The following RHOQ variants were observed in gnomAD, a reference collection of about 807,000 sequenced individuals.
RHOQ encodes the protein ras homolog family member Q.
A neutral mutation model predicts 25.8 loss-of-function variants in RHOQ; 7 were observed. The observed-to-expected ratio is 0.27, with a 90% CI of 0.15 to 0.51. The LOEUF is 0.51. RHOQ is among the 20% of genes least tolerant of loss of function. The probability of loss-of-function intolerance (pLI) is 0.97; values close to 1 mark genes in which losing one functional copy is unlikely to be tolerated. For missense variants in RHOQ, 165 were observed against 260.6 expected (o/e 0.63, Z 2.53); for synonymous variants, 97 against 98.6 (o/e 0.98, Z 0.10).
chr2:46,570,424 G>C (rs924575844), intron 2 of RHOQ, among the ~76,000 whole-genome samples: 9 of 151,188 alleles, frequency 6.0e-5, no homozygotes, highest in Admixed American at 5.3e-4. Flanking sequence ...TGGGCTATAA[G>C]AGTGAGACTT....
intron 2 of RHOQ, among the ~76,000 whole-genome samples, chr2:46,571,100 C>G (rs1045429471): frequency 6.6e-6 from 1 of 152,198 alleles, no homozygotes; most frequent in Non-Finnish European, 1.5e-5. Flanking sequence ...CAAGTTCTCT[C>G]CATTCTGTAA....
chr2:46,545,259 C>T (rs1306657749), intron 2 of RHOQ, among the ~76,000 whole-genome samples: 1 of 152,176 alleles, frequency 6.6e-6, no homozygotes, highest in African/African-American at 2.4e-5. Context: ...CTAAGACTGA[C>T]TTTTAAGTCG....
At chr2:46,554,169 C>T (rs745384630) in intron 2 of RHOQ, among the ~76,000 whole-genome samples, 12 of 151,176 alleles carry the variant, frequency 7.9e-5, no homozygotes, top group Non-Finnish European at 1.5e-4. Flanking sequence ...CCCCACAAAA[C>T]ACACCCCCAT....
intron 2 of RHOQ, among the ~76,000 whole-genome samples, chr2:46,561,286 C>G (rs1668570483): frequency 6.6e-6 from 1 of 151,766 alleles, no homozygotes; most frequent in South Asian, 2.1e-4. Context: ...GACAGTTTTC[C>G]TAAGTGAGTA....
In RHOQ at chr2:46,584,159, T is replaced by C. The variant is rs115225243; in HGVS notation, c.*3076T>C. Among the ~76,000 whole-genome samples, 101 of 152,344 alleles carry C rather than the reference T, an allele frequency of 6.6e-4. No homozygotes were observed. Among genetic ancestry groups the C allele is most frequent in the African/African-American group, 2.4e-3 (99 of 41,584 alleles). On this transcript the variant is annotated 3_prime_UTR_variant, in exon 5 of 5. Coordinates refer to ENST00000238738, the MANE Select transcript of RHOQ (RefSeq NM_012249.4). ...TTTGTTGGTTGTTACTTTTAAATGA[T>C]TGTTACTTTAACAGTGTCCCTTCTT...
At chr2:46,577,561 G>T (rs903528648) in intron 4 of RHOQ, among the ~76,000 whole-genome samples, 2 of 145,266 alleles carry the variant, frequency 1.4e-5, no homozygotes, top group African/African-American at 2.6e-5. Context: ...CACCACACCC[G>T]GCTATTTTTT....
At chr2:46,550,712 T>G (rs1334789751) in intron 2 of RHOQ, among the ~76,000 whole-genome samples, 3 of 152,218 alleles carry the variant, frequency 2.0e-5, no homozygotes, top group Non-Finnish European at 4.4e-5. Flanking sequence ...TGGAGATAAT[T>G]TATACCCTGC....
chr2:46,575,377 GTGTA>G (rs911096303), intron 2 of RHOQ, among the ~76,000 whole-genome samples: 9 of 149,564 alleles, frequency 6.0e-5, no homozygotes, highest in Non-Finnish European at 1.5e-5. Flanking sequence ...TGGGTTTACT[GTGTA>G]TGTTTCTCTT....
intron 2 of RHOQ, among the ~76,000 whole-genome samples, chr2:46,561,706 T>G (rs1016118621): frequency 6.6e-6 from 1 of 152,208 alleles, no homozygotes; most frequent in African/African-American, 2.4e-5. Context: ...GGCTCTTGGC[T>G]CTTGTATTCA....
chr2:46,561,664 C>T (rs1668583605), intron 2 of RHOQ, among the ~76,000 whole-genome samples: 1 of 152,138 alleles, frequency 6.6e-6, no homozygotes, highest in Non-Finnish European at 1.5e-5. Context: ...GTATTCTCTC[C>T]ACTCTGAATC....
At position 46,576,755 on chromosome 2, in the gene RHOQ, T is replaced by G; in HGVS notation, c.462+99T>G. 1.3e-6 allele frequency: 1 copy of G among 749,612 alleles called. No individual in the cohort carries two copies. 46.4% of individuals were successfully genotyped at this position (749,612 alleles called of 1,614,324 possible). On this transcript the variant is annotated intron_variant, in intron 4 of 4. Transcript: ENST00000238738. This position sits in a 1 kb window ranked among gnomAD's most constrained non-coding sequence, Gnocchi z 5.1. ...TGTATTTACTGTGTGCCAGGTGGAG[T>G]GCTTTACATGCATTATCTCATTTAA...
intron 2 of RHOQ, chr2:46,560,494 G>T: frequency 2.2e-6 from 1 of 447,196 alleles, no homozygotes; most frequent in Non-Finnish European, 4.6e-6. Flanking sequence ...GGCTCCTGAT[G>T]AATTAATAAA....
Position 46,546,519 on chromosome 2 carries a change from CATATATATAT to C in RHOQ, c.201+2711_201+2720del, listed in dbSNP as rs1404045435. Reference sequence around the variant, plus strand: ...ATATATATATATATATATGTATATACATATATATATATACACAAATCCTTAAGCCTAGTGG... The same window carrying C: ...ATATATATATATATATATGTATATACATACACAAATCCTTAAGCCTAGTGG... On this transcript the variant is annotated intron_variant, in intron 2 of 4. Transcript: ENST00000238738. Among the ~76,000 whole-genome samples, 25 of 38,130 alleles carry C rather than the reference CATATATATAT, an allele frequency of 6.6e-4. 4 individuals carry two copies. The highest frequency in any genetic ancestry group is 0.017 in the Middle Eastern group (1 of 58). The allele number at this position is 38,130 out of a possible 152,430, so 25.0% of individuals were successfully genotyped here.
At chr2:46,578,151 T>G (rs1669201876) in intron 4 of RHOQ, among the ~76,000 whole-genome samples, 2 of 152,116 alleles carry the variant, frequency 1.3e-5, no homozygotes, top group Admixed American at 6.5e-5. Flanking sequence ...TGTTCAAACT[T>G]ATTAGTAGTC....
In RHOQ at chr2:46,546,474, GTGTATATATATATATATATA is replaced by G. The variant is rs1190016824; in HGVS notation, c.201+2664_201+2683del. Among the ~76,000 whole-genome samples, 20 of 16,958 alleles carry G rather than the reference GTGTATATATATATATATATA, an allele frequency of 1.2e-3. 3 individuals carry two copies. The Admixed American group carries it at 0.013, about 11-fold the overall frequency. The allele number at this position is 16,958 out of a possible 152,430, so 11.1% of individuals were successfully genotyped here. ...TACATATATATATATATATATATAT[GTGTATATATATATATATATA>G]TATATATATATATATATGTATATAC... On this transcript the variant is annotated intron_variant, in intron 2 of 4. Coordinates refer to ENST00000238738, the MANE Select transcript of RHOQ (RefSeq NM_012249.4).
Position 46,565,721 on chromosome 2 carries a change from T to C in RHOQ, c.202-10366T>C, listed in dbSNP as rs567990078. Among the ~76,000 whole-genome samples, 196 of 152,362 alleles carry C rather than the reference T, an allele frequency of 1.3e-3. 5 individuals are homozygous for C. The South Asian group carries it at 0.038, about 30-fold the overall frequency. On this transcript the variant is annotated intron_variant, in intron 2 of 4. Transcript: ENST00000238738. ...AATGACTGCAGCTGACTTTTCTCACTTCACCTTCCCATGAGCTACCGTCAT... is the reference window on the plus strand; with the variant it reads ...AATGACTGCAGCTGACTTTTCTCACCTCACCTTCCCATGAGCTACCGTCAT...
intron 2 of RHOQ, among the ~76,000 whole-genome samples, chr2:46,553,584 CTT>C (rs895092851): frequency 4.8e-5 from 7 of 145,336 alleles, no homozygotes; most frequent in African/African-American, 5.0e-5. Flanking sequence ...CTTTTTCGAA[CTT>C]TTTTTTTTTT....
intron 2 of RHOQ, chr2:46,572,826 C>T (rs1172958091): frequency 4.6e-6 from 2 of 430,386 alleles, no homozygotes; most frequent in Admixed American, 5.6e-5. Flanking sequence ...TTTGTGTTCT[C>T]AAATTTAAAA....
chr2:46,575,387 C>G (rs943943618), intron 2 of RHOQ, among the ~76,000 whole-genome samples: 4 of 143,666 alleles, frequency 2.8e-5, no homozygotes, highest in African/African-American at 5.3e-5. Flanking sequence ...GTGTATGTTT[C>G]TCTTTAAATC....
Sources: allele counts gnomAD v4.1 joint callset (sites outside exome capture counted in the v4.1 genomes callset), GRCh38; gene constraint gnomAD v4.1.1; non-coding constraint Gnocchi (gnomAD v3.1); transcripts MANE v1.5; gene names NCBI Gene and HGNC (gene_info 2026-07-23, HGNC 2026-07-21).